MTMR2: variants seen among roughly 807,000 people sequenced by gnomAD.
MTMR2 encodes the protein myotubularin related protein 2.
A neutral mutation model predicts 86.9 loss-of-function variants in MTMR2; 55 were observed. The ratio of observed to expected loss-of-function variants is 0.63; its 90% CI spans 0.51 to 0.79. The LOEUF (loss-of-function observed/expected upper bound fraction) is 0.79, where lower values mean the gene tolerates loss of function less well. Ranked by LOEUF, MTMR2 falls within the 30% of genes least tolerant of loss-of-function variation. The pLI, the probability that MTMR2 is intolerant of heterozygous loss-of-function variation, is 0.00. For synonymous variants in MTMR2, 241 were observed against 266.8 expected, an observed-to-expected ratio of 0.90 and a Z score of 0.94; for missense variants, 659 against 772.3, an observed-to-expected ratio of 0.85 and a Z score of 1.74.
intron 1 of MTMR2, among the ~76,000 whole-genome samples, chr11:95,889,147 T>TC (rs1475497829): frequency 6.6e-6 from 1 of 151,858 alleles, no homozygotes. Context: ...TTTTTTTTTT[T>TC]TCTGAGACAG....
In MTMR2 at chr11:95,836,194, A is replaced by G; in HGVS notation, c.1724T>C (p.Leu575Pro). The change falls in exon 14 of 15, where the codon CTC becomes CCC. Residue 575 changes from leucine to proline, a missense_variant. Around this residue, in one of 3 missense-constraint regions of MTMR2, gnomAD observed 193 missense variants for 191.6 expected, o/e 1.01. Coordinates refer to ENST00000346299, the MANE Select transcript of MTMR2 (RefSeq NM_016156.6). ...CCACCTTATGTAATATCCCACCCAG[A>G]GCTCTAGGTGGCGCATGCTGGCTAC... ...YPVASMRHLE[L>P]WVGYYIRWNP... 1 of 1,612,984 alleles carries G rather than the reference A, an allele frequency of 6.2e-7. No individual in the cohort carries two copies. The highest frequency in any genetic ancestry group is 8.5e-7 in the Non-Finnish European group (1 of 1,179,196).
intron 1 of MTMR2, among the ~76,000 whole-genome samples, chr11:95,904,591 G>A (rs1264994680): frequency 6.6e-6 from 1 of 152,162 alleles, no homozygotes; most frequent in Non-Finnish European, 1.5e-5. Context: ...AGATAGTGAC[G>A]GAGGTGACCT....
In MTMR2 at chr11:95,924,043, G is replaced by C. The variant is rs868256702; in HGVS notation, c.-89C>G. ...CGGAGGGCGGAGTGCTACGGACCGG[G>C]GCCGCAGTCAGGCCAGCGCCGGCCC... On this transcript the variant is annotated 5_prime_UTR_variant, in exon 1 of 15. Transcript: ENST00000346299. 13 of 1,507,402 alleles carry C rather than the reference G, an allele frequency of 8.6e-6. No homozygotes were observed. The Middle Eastern group carries it at 8.7e-4, about 101-fold the overall frequency. The allele number at this position is 1,507,402 out of a possible 1,614,324, so 93.4% of individuals were successfully genotyped here.
chr11:95,908,225 G>A (rs1396442259), intron 1 of MTMR2, among the ~76,000 whole-genome samples: 3 of 151,658 alleles, frequency 2.0e-5, no homozygotes, highest in Non-Finnish European at 2.9e-5. Flanking sequence ...GCCAAATCAA[G>A]AATGCGATCC....
chr11:95,921,177 T>C (rs1392640469), intron 1 of MTMR2, among the ~76,000 whole-genome samples: 2 of 152,224 alleles, frequency 1.3e-5, no homozygotes, highest in East Asian at 3.8e-4. Context: ...TACATAATTT[T>C]TTCTATAAAT....
intron 1 of MTMR2, among the ~76,000 whole-genome samples, chr11:95,900,475 T>C (rs1266372938): frequency 6.6e-6 from 1 of 152,214 alleles, no homozygotes; most frequent in Admixed American, 6.5e-5. Flanking sequence ...TTAATTACAA[T>C]GTCAACACAG....
Position 95,888,165 on chromosome 11 carries a change from A to C in MTMR2, c.177T>G (p.Pro59=), listed in dbSNP as rs1865579391. Residue 59 remains proline, a synonymous_variant, in exon 2 of 15, where the codon CCT becomes CCG. Transcript: ENST00000346299. ...SISTSADNFS[P]DLRVLRESNK... Reference sequence around the variant, plus strand: ...AAAATAGTATACATACCCTCAAATCAGGAGAAAAGTTGTCGGCAGAAGTTG... The same window carrying C: ...AAAATAGTATACATACCCTCAAATCCGGAGAAAAGTTGTCGGCAGAAGTTG... 1.2e-6 allele frequency: 2 copies of C among 1,610,548 alleles called. No individual in the cohort carries two copies. The highest frequency in any genetic ancestry group is 2.7e-5 in the African/African-American group (2 of 74,956).
Position 95,837,497 on chromosome 11 carries a change from TAAAG to T in MTMR2, c.1593+593_1593+596del, listed in dbSNP as rs1404850005. On this transcript the variant is annotated intron_variant, in intron 13 of 14. Transcript: ENST00000346299. ...GATACATAGGATAGACAAGTTTTGA[TAAAG>T]AAGTAAAACTTGAAATGTAATCCTT... 5.3e-5 allele frequency among the ~76,000 whole-genome samples: 8 copies of T among 152,156 alleles called. No individual in the cohort carries two copies. The East Asian group carries it at 1.2e-3, about 22-fold the overall frequency.
At chr11:95,917,332 T>C (rs1270459083) in intron 1 of MTMR2, among the ~76,000 whole-genome samples, 4 of 152,206 alleles carry the variant, frequency 2.6e-5, no homozygotes, top group African/African-American at 9.6e-5. Context: ...CTGATGATTT[T>C]GAATACAATA....
intron 2 of MTMR2, among the ~76,000 whole-genome samples, chr11:95,866,779 GT>G (rs1212833193): frequency 3.1e-4 from 47 of 150,174 alleles, no homozygotes; most frequent in African/African-American, 8.4e-4. Context: ...TGAAGATGGG[GT>G]TAAAAAGGCA....
intron 11 of MTMR2, among the ~76,000 whole-genome samples, chr11:95,842,927 G>A (rs186559340): frequency 3.3e-5 from 5 of 152,102 alleles, no homozygotes; most frequent in Admixed American, 3.3e-4. Flanking sequence ...CATCCCTTAA[G>A]TACACTTTTT....
At chr11:95,895,519 TAAAAGGCAAG>T (rs1476700806) in intron 1 of MTMR2, among the ~76,000 whole-genome samples, 1 of 152,164 alleles carries the variant, frequency 6.6e-6, no homozygotes, top group African/African-American at 2.4e-5. Context: ...GCCTGGCTAA[TAAAAGGCAAG>T]GGGCATACAA....
chr11:95,924,024 G>A lies in MTMR2; in HGVS notation c.-70C>T, dbSNP rs1867044973. On this transcript the variant is annotated 5_prime_UTR_variant, in exon 1 of 15. Coordinates refer to ENST00000346299, the MANE Select transcript of MTMR2 (RefSeq NM_016156.6). ...GGCTACAGGGCGGGAGAAGCGGAGG[G>A]CGGAGTGCTACGGACCGGGGCCGCA... 3.3e-6 allele frequency: 5 copies of A among 1,537,560 alleles called. No individual in the cohort carries two copies. Among genetic ancestry groups the A allele is most frequent in the East Asian group, 2.4e-5 (1 of 40,860 alleles).
At chr11:95,882,161 A>G (rs1402900853) in intron 2 of MTMR2, among the ~76,000 whole-genome samples, 1 of 152,010 alleles carries the variant, frequency 6.6e-6, no homozygotes, top group Non-Finnish European at 1.5e-5. Flanking sequence ...ATAGATCTGC[A>G]TATTTTCAGT....
intron 2 of MTMR2, chr11:95,882,614 T>C (rs1865369712): frequency 6.6e-6 from 1 of 152,114 alleles, no homozygotes; most frequent in South Asian, 2.1e-4. Context: ...TTTAAGCCTA[T>C]TACATACTTC....
At chr11:95,869,825 T>TATATGAA (rs11281625) in intron 2 of MTMR2, among the ~76,000 whole-genome samples, 20,967 of 151,984 alleles carry the variant, frequency 0.14, 3,669 homozygotes, top group African/African-American at 0.41. Flanking sequence ...TGGGTCCATT[T>TATATGAA]ATATGAAATT....
chr11:95,900,532 T>G (rs575176938), intron 1 of MTMR2, among the ~76,000 whole-genome samples: 1 of 152,212 alleles, frequency 6.6e-6, no homozygotes, highest in African/African-American at 2.4e-5. Flanking sequence ...ATGAAAAAGT[T>G]AAGGTATGGA....
rs1021400824 is a variant in MTMR2, at chr11:95,887,166, T to C, written c.186+990A>G. ...GACAATGAAATGGATGAAAAAGATATAAGTATCCTCAACTTATGCTCAACA... is the reference window on the plus strand; with the variant it reads ...GACAATGAAATGGATGAAAAAGATACAAGTATCCTCAACTTATGCTCAACA... On this transcript the variant is annotated intron_variant, in intron 2 of 14. Coordinates refer to ENST00000346299, the MANE Select transcript of MTMR2 (RefSeq NM_016156.6). 3.9e-5 allele frequency among the ~76,000 whole-genome samples: 6 copies of C among 152,204 alleles called. 1 individual carries two copies. Among genetic ancestry groups the C allele is most frequent in the African/African-American group, 1.4e-4 (6 of 41,462 alleles).
At chr11:95,916,628 T>C (rs1866720612) in intron 1 of MTMR2, among the ~76,000 whole-genome samples, 1 of 151,776 alleles carries the variant, frequency 6.6e-6, no homozygotes, top group Non-Finnish European at 1.5e-5. Flanking sequence ...TATTTTGTTA[T>C]GTGCTGCTAA....
Sources: gnomAD v4.1 joint callset for allele counts (sites outside exome capture counted in the v4.1 genomes callset) on GRCh38, gnomAD v4.1.1 for gene constraint, gnomAD v4.1.1 regional missense constraint, MANE v1.5 for transcripts, NCBI Gene and HGNC (gene_info 2026-07-23, HGNC 2026-07-21) for gene names.